FAM13A: variants seen among roughly 807,000 people sequenced by gnomAD.
FAM13A encodes the protein protein FAM13A.
FAM13A carries 76 observed loss-of-function variants against 129.6 expected under a neutral mutation model. That is an observed-to-expected ratio of 0.59 (90% CI 0.49 to 0.71). FAM13A has a LOEUF of 0.71. Among genes scored for constraint, FAM13A ranks in the 30% least tolerant of loss-of-function variants. FAM13A has a pLI of 0.00. For missense variants in FAM13A, 1,108 were observed against 1,249.3 expected (o/e 0.89, Z 1.70); for synonymous variants, 443 against 449.9 (o/e 0.98, Z 0.20).
chr4:89,046,688 A>G, intron 1 of FAM13A, among the ~76,000 whole-genome samples: 1 of 25,602 alleles, frequency 3.9e-5, no homozygotes, highest in East Asian at 3.1e-4. Context: ...CTTTTCTGCA[A>G]AAAAATACAA....
intron 4 of FAM13A, among the ~76,000 whole-genome samples, chr4:88,939,891 C>T (rs1457517040): frequency 6.6e-6 from 1 of 152,114 alleles, no homozygotes; most frequent in Non-Finnish European, 1.5e-5. Context: ...ATGAACTCTG[C>T]CAACAACTTG....
intron 1 of FAM13A, among the ~76,000 whole-genome samples, chr4:89,032,586 C>G (rs1217341285): frequency 1.3e-5 from 2 of 152,252 alleles, no homozygotes; most frequent in South Asian, 2.1e-4. Flanking sequence ...GAGTTTTATA[C>G]CAGTATACTT....
rs775304030 is a variant in FAM13A at position 88,906,880 on chromosome 4, C to T, written c.760-418G>A. Reference sequence around the variant, plus strand: ...CAGATGTATTCTGACTCTTTACATACTTGACCTTAAACAATTTCCTTCAGA... The same window carrying T: ...CAGATGTATTCTGACTCTTTACATATTTGACCTTAAACAATTTCCTTCAGA... On this transcript the variant is annotated intron_variant, in intron 5 of 23. Coordinates refer to ENST00000264344, the MANE Select transcript of FAM13A (RefSeq NM_014883.4). 2.6e-5 allele frequency among the ~76,000 whole-genome samples: 4 copies of T among 152,220 alleles called. 1 individual carries two copies. The highest frequency in any genetic ancestry group is 5.9e-5 in the Non-Finnish European group (4 of 68,036).
chr4:88,966,524 G>A (rs1759372342), intron 4 of FAM13A, among the ~76,000 whole-genome samples: 1 of 152,126 alleles, frequency 6.6e-6, no homozygotes, highest in South Asian at 2.1e-4. Context: ...CTGGAGGTTG[G>A]ACTATCCTAA....
chr4:88,894,552 C>G (rs1291843318), intron 6 of FAM13A, among the ~76,000 whole-genome samples: 1 of 152,110 alleles, frequency 6.6e-6, no homozygotes, highest in Non-Finnish European at 1.5e-5. Flanking sequence ...GATACAGAGT[C>G]TCACTCTGTC....
intron 9 of FAM13A, 42 bp downstream of exon 9, chr4:88,790,544 A>G (rs1256520277): frequency 2.5e-6 from 4 of 1,572,070 alleles, no homozygotes; most frequent in Non-Finnish European, 3.5e-6. Context: ...GGCATTAAAA[A>G]AAAAAAACCC....
intron 8 of FAM13A, among the ~76,000 whole-genome samples, chr4:88,799,290 C>A (rs1487263734): frequency 2.6e-5 from 4 of 152,080 alleles, no homozygotes; most frequent in African/African-American, 9.7e-5. Context: ...TTAAAGAAAT[C>A]CACATACTTC....
At chr4:88,842,286 T>C (rs1735969359) in intron 7 of FAM13A, among the ~76,000 whole-genome samples, 1 of 152,094 alleles carries the variant, frequency 6.6e-6, no homozygotes, top group Non-Finnish European at 1.5e-5. Context: ...AAAGGGAAAA[T>C]GTTAGCAGAG....
chr4:89,013,423 A>G (rs1332134340), intron 3 of FAM13A, among the ~76,000 whole-genome samples: 1 of 152,060 alleles, frequency 6.6e-6, no homozygotes, highest in East Asian at 1.9e-4. Flanking sequence ...TATAGAGGCT[A>G]TATTGTCTGA....
chr4:88,787,510 A>G (rs1255202486), intron 10 of FAM13A, among the ~76,000 whole-genome samples: 2 of 152,186 alleles, frequency 1.3e-5, no homozygotes, highest in African/African-American at 4.8e-5. Flanking sequence ...GTATTCAATC[A>G]GAGGTGGCTT....
chr4:89,019,902 G>C (rs1027930735), intron 3 of FAM13A, among the ~76,000 whole-genome samples: 3 of 151,916 alleles, frequency 2.0e-5, no homozygotes, highest in African/African-American at 7.3e-5. Context: ...GTACACCAGT[G>C]AGCTTTCAGT....
At position 88,726,680 on chromosome 4, in the gene FAM13A, TCA is replaced by T. The variant is rs1419286723; in HGVS notation, c.*1851_*1852del. The T allele has an allele frequency of 2.6e-5, 4 of 152,652 alleles. No homozygotes were observed. Among genetic ancestry groups the T allele is most frequent in the Non-Finnish European group, 1.5e-5 (1 of 68,046 alleles). The allele number at this position is 152,652 out of a possible 1,614,324, so 9.5% of individuals were successfully genotyped here. On this transcript the variant is annotated 3_prime_UTR_variant, in exon 24 of 24. Transcript: ENST00000264344. ...TTTTGGTCATGTGAATGATTCATGT[TCA>T]GATTTCAAAAATAGGAAACATCCTA...
At chr4:89,018,424 T>C (rs1178437410) in intron 3 of FAM13A, among the ~76,000 whole-genome samples, 1 of 152,198 alleles carries the variant, frequency 6.6e-6, no homozygotes, top group Non-Finnish European at 1.5e-5. Flanking sequence ...GAAATAAATT[T>C]CTCTCGTTTA....
intron 6 of FAM13A, among the ~76,000 whole-genome samples, chr4:88,874,116 A>G (rs1438425355): frequency 2.6e-5 from 4 of 152,162 alleles, no homozygotes; most frequent in South Asian, 2.1e-4. Context: ...CTCTCAATAA[A>G]CTAGGTACTG....
intron 6 of FAM13A, among the ~76,000 whole-genome samples, chr4:88,888,148 T>G (rs1269567863): frequency 6.6e-6 from 1 of 152,254 alleles, no homozygotes; most frequent in East Asian, 1.9e-4. Flanking sequence ...TCATTCTAAC[T>G]GAAATCTTTC....
intron 6 of FAM13A, among the ~76,000 whole-genome samples, chr4:88,871,259 T>C (rs1310597921): frequency 1.3e-5 from 2 of 152,150 alleles, no homozygotes; most frequent in Admixed American, 6.5e-5. Context: ...CACAGCTCCT[T>C]GGCAGCAAAG....
chr4:89,014,851 A>G (rs1415823347), intron 3 of FAM13A, among the ~76,000 whole-genome samples: 1 of 152,236 alleles, frequency 6.6e-6, no homozygotes, highest in Admixed American at 6.5e-5. Context: ...CATTGAAAAA[A>G]GAACAGGATA....
intron 5 of FAM13A, among the ~76,000 whole-genome samples, chr4:88,913,606 T>C (rs958875793): frequency 1.3e-5 from 2 of 152,086 alleles, no homozygotes; most frequent in Non-Finnish European, 2.9e-5. Flanking sequence ...ATAATACATG[T>C]CTCCTTTTAC....
chr4:88,964,487 T>A (rs570784983), intron 4 of FAM13A, among the ~76,000 whole-genome samples: 1 of 152,180 alleles, frequency 6.6e-6, no homozygotes, highest in Admixed American at 6.5e-5. Flanking sequence ...ATTTAAGGAC[T>A]GGGTAGCATA....
Sources: allele counts gnomAD v4.1 joint callset (sites outside exome capture counted in the v4.1 genomes callset), GRCh38; gene constraint gnomAD v4.1.1; transcripts MANE v1.5; gene names NCBI Gene and HGNC (gene_info 2026-07-23, HGNC 2026-07-21).